BAIAP2: variants seen among roughly 807,000 people sequenced by gnomAD.
BAIAP2 encodes BAR/IMD domain-containing adapter protein 2.
Under a neutral mutation model 63.0 loss-of-function variants are expected in BAIAP2, and 18 were observed. That is an observed-to-expected ratio of 0.29 (90% CI 0.20 to 0.42). The LOEUF is 0.42. Among genes scored for constraint, BAIAP2 ranks in the 10% least tolerant of loss-of-function variants. The probability of loss-of-function intolerance (pLI) is 1.00; values close to 1 mark genes in which losing one functional copy is unlikely to be tolerated. For synonymous variants in BAIAP2, 386 were observed against 307.6 expected (o/e 1.25, Z -2.67); for missense variants, 610 against 734.3 (o/e 0.83, Z 1.96).
chr17:81,068,792 T>TG (rs1297149370), intron 3 of BAIAP2, among the ~76,000 whole-genome samples: 1 of 152,134 alleles, frequency 6.6e-6, no homozygotes, highest in Non-Finnish European at 1.5e-5. Context: ...TTTCTCAGGA[T>TG]GGGGGGCCAT....
intron 2 of BAIAP2, chr17:81,057,669 T>C: frequency 7.3e-7 from 1 of 1,362,248 alleles, no homozygotes; most frequent in East Asian, 2.8e-5. Flanking sequence ...TTCTTACGAG[T>C]CAAGGGAGCT....
intron 3 of BAIAP2, among the ~76,000 whole-genome samples, chr17:81,072,686 CTG>C (rs1408220379): frequency 6.6e-6 from 1 of 152,202 alleles, no homozygotes; most frequent in South Asian, 2.1e-4. Context: ...GCCTCCCACT[CTG>C]AGCACAGGCG....
At chr17:81,042,245 C>T (rs2143589066) in intron 1 of BAIAP2, among the ~76,000 whole-genome samples, 1 of 150,302 alleles carries the variant, frequency 6.7e-6, no homozygotes, top group African/African-American at 2.4e-5. Context: ...TAGGCTTATA[C>T]AGTCCTCCTG....
At chr17:81,087,058 C>T (rs1212679617) in intron 6 of BAIAP2, 1 of 165,458 alleles carries the variant, frequency 6.0e-6, no homozygotes, top group Non-Finnish European at 1.3e-5. Context: ...CGTAGGAAGG[C>T]CTGGCCGATG....
chr17:81,110,677 C>T (rs923639376), intron 13 of BAIAP2, among the ~76,000 whole-genome samples: 4 of 152,326 alleles, frequency 2.6e-5, no homozygotes, highest in South Asian at 2.1e-4. Flanking sequence ...TCACTCTGCC[C>T]GGGCTCTGCG....
At chr17:81,111,619 G>A (rs2059938031) in intron 13 of BAIAP2, among the ~76,000 whole-genome samples, 1 of 152,236 alleles carries the variant, frequency 6.6e-6, no homozygotes, top group Non-Finnish European at 1.5e-5. Flanking sequence ...GGGACCACAG[G>A]GCCATTATGG....
At chr17:81,067,597 C>T (rs1348331173) in intron 3 of BAIAP2, among the ~76,000 whole-genome samples, 4 of 152,230 alleles carry the variant, frequency 2.6e-5, no homozygotes, top group Admixed American at 6.5e-5. Flanking sequence ...GATCCTGAGC[C>T]GTTTCCTGCT....
intron 7 of BAIAP2, 34 bp downstream of exon 7, chr17:81,100,114 TG>T: frequency 1.9e-6 from 3 of 1,579,388 alleles, no homozygotes; most frequent in Non-Finnish European, 2.6e-6. Flanking sequence ...GTGCCGGCGC[TG>T]GGCCTTGCTG....
At chr17:81,035,524 C>G (rs1428021523) in intron 1 of BAIAP2, among the ~76,000 whole-genome samples, 2 of 149,212 alleles carry the variant, frequency 1.3e-5, no homozygotes, top group African/African-American at 4.9e-5. Context: ...CCCGCCCGGG[C>G]CCCCCCATCC....
intron 7 of BAIAP2, among the ~76,000 whole-genome samples, chr17:81,101,077 C>G (rs889925788): frequency 6.6e-6 from 1 of 151,264 alleles, no homozygotes; most frequent in Non-Finnish European, 1.5e-5. Flanking sequence ...CCTGTGTCTC[C>G]CGCTAGGTGT....
At chr17:81,065,870 G>T (rs558960150) in intron 3 of BAIAP2, among the ~76,000 whole-genome samples, 2 of 152,370 alleles carry the variant, frequency 1.3e-5, no homozygotes, top group African/African-American at 2.4e-5. Context: ...GTGCAGGGAG[G>T]CTAAGGTCTA....
At chr17:81,114,974 G>C (rs917579174) in intron 13 of BAIAP2, among the ~76,000 whole-genome samples, 1 of 152,234 alleles carries the variant, frequency 6.6e-6, no homozygotes, top group Non-Finnish European at 1.5e-5. Flanking sequence ...TGCCATCTGT[G>C]CTGTCACCCT....
chr17:81,085,758 T>G (rs754478816), intron 5 of BAIAP2, 33 bp downstream of exon 5: 4 of 1,556,236 alleles, frequency 2.6e-6, no homozygotes, highest in African/African-American at 1.4e-5. Context: ...TGCTGGGCCC[T>G]GTGCCTGGGC....
At position 81,046,618 on chromosome 17, in the gene BAIAP2, C is replaced by T. The variant is rs1019610139; in HGVS notation, c.55-7050C>T. On this transcript the variant is annotated intron_variant, in intron 1 of 13. Coordinates refer to ENST00000428708, the MANE Select transcript of BAIAP2 (RefSeq NM_001144888.2). This position sits in a 1 kb window ranked among gnomAD's most constrained non-coding sequence, Gnocchi z 4.5. ...GATGCTCTCTGCCCACAGAAGTCCC[C>T]CAACCCCCCTGGCAGCCAAGGGAAC... is the stretch of plus-strand genomic sequence containing the variant. Among the ~76,000 whole-genome samples, 1 of 152,080 alleles carries T rather than the reference C, an allele frequency of 6.6e-6. No homozygotes were observed. The highest frequency in any genetic ancestry group is 1.5e-5 in the Non-Finnish European group (1 of 67,990).
chr17:81,089,426 A>G (rs572351458), intron 6 of BAIAP2, among the ~76,000 whole-genome samples: 1 of 152,302 alleles, frequency 6.6e-6, no homozygotes, highest in South Asian at 2.1e-4. Flanking sequence ...CGGTCTGGGC[A>G]AGGGGCCGCT....
chr17:81,074,362 G>A (rs2053251024), intron 3 of BAIAP2, among the ~76,000 whole-genome samples: 1 of 151,924 alleles, frequency 6.6e-6, no homozygotes, highest in Admixed American at 6.6e-5. Context: ...TGGTACATGT[G>A]TCACTGTGTG....
chr17:81,055,590 G>A (rs1051608623), intron 2 of BAIAP2, among the ~76,000 whole-genome samples: 1 of 3,086 alleles, frequency 3.2e-4, no homozygotes, highest in Non-Finnish European at 1.2e-3. Flanking sequence ...TTTTGAGACG[G>A]AGTCTCACTC....
intron 2 of BAIAP2, among the ~76,000 whole-genome samples, chr17:81,055,680 C>T (rs2049422869): frequency 6.6e-6 from 1 of 151,764 alleles, no homozygotes; most frequent in Non-Finnish European, 1.5e-5. Flanking sequence ...ATTCTCCTGC[C>T]TCAGCCTCCC....
intron 7 of BAIAP2, among the ~76,000 whole-genome samples, 199 bp from the exon 8 acceptor site, chr17:81,103,303 A>C (rs2058733663): frequency 6.6e-6 from 1 of 152,208 alleles, no homozygotes; most frequent in South Asian, 2.1e-4. Context: ...CTTGTGGTCC[A>C]TCCCCGGCCC....
Sources: allele counts gnomAD v4.1 joint callset (sites outside exome capture counted in the v4.1 genomes callset), GRCh38; gene constraint gnomAD v4.1.1; non-coding constraint Gnocchi (gnomAD v3.1); transcripts MANE v1.5; gene names NCBI Gene and HGNC (gene_info 2026-07-23, HGNC 2026-07-21).